GHR: variants seen among roughly 807,000 people sequenced by gnomAD.
GHR encodes growth hormone receptor, also known as GH receptor.
GHR carries 35 observed loss-of-function variants against 67.1 expected under a neutral mutation model. That is an observed-to-expected ratio of 0.52 (90% CI 0.40 to 0.69). GHR has a LOEUF of 0.69. Ranked by LOEUF, GHR falls within the 30% of genes least tolerant of loss-of-function variation. The pLI is 0.00. For synonymous variants in GHR, 272 were observed against 269.1 expected (o/e 1.01, Z -0.10); for missense variants, 792 against 764.6 (o/e 1.04, Z -0.42).
chr5:42,627,981 G>A (rs938641669), intron 2 of GHR, among the ~76,000 whole-genome samples: 6 of 152,224 alleles, frequency 3.9e-5, no homozygotes, highest in Non-Finnish European at 8.8e-5. Context: ...TGGATGGGGA[G>A]TGGGAAGTGG....
intron 2 of GHR, among the ~76,000 whole-genome samples, chr5:42,611,625 A>G (rs1407988130): frequency 2.6e-5 from 4 of 152,180 alleles, no homozygotes; most frequent in Admixed American, 2.6e-4. Flanking sequence ...AGGTCAATGG[A>G]CAGTGCATGC....
At chr5:42,646,387 G>A (rs1370616626) in intron 3 of GHR, 1 of 452,988 alleles carries the variant, frequency 2.2e-6, no homozygotes, top group African/African-American at 2.0e-5. Flanking sequence ...TGGCTCACTG[G>A]GTGAGGTTTT....
At position 42,465,124 on chromosome 5, in the gene GHR, T is replaced by C. The variant is rs567487534; in HGVS notation, c.-12+41169T>C. On this transcript the variant is annotated intron_variant, in intron 1 of 9. Coordinates refer to ENST00000230882, the MANE Select transcript of GHR (RefSeq NM_000163.5). ...CGGTTCCTTTTGTCTAAGTTAGTTATAATAATCTTTAATGAAAAGCAGAGG... is the reference window on the plus strand; with the variant it reads ...CGGTTCCTTTTGTCTAAGTTAGTTACAATAATCTTTAATGAAAAGCAGAGG... 4.6e-5 allele frequency among the ~76,000 whole-genome samples: 7 copies of C among 152,304 alleles called. No homozygotes were observed. In the South Asian group the frequency reaches 1.0e-3, roughly 23 times the overall value.
At chr5:42,489,974 C>T (rs1161616073) in intron 1 of GHR, among the ~76,000 whole-genome samples, 4 of 151,814 alleles carry the variant, frequency 2.6e-5, no homozygotes, top group African/African-American at 4.8e-5. Context: ...TCAGTAGATT[C>T]TAAAAGAAAA....
chr5:42,593,637 T>A (rs1466630947), intron 2 of GHR, among the ~76,000 whole-genome samples: 1 of 152,186 alleles, frequency 6.6e-6, no homozygotes. Flanking sequence ...TGCACTGGAA[T>A]GTATAGCCTA....
intron 4 of GHR, among the ~76,000 whole-genome samples, chr5:42,693,651 C>T (rs908379738): frequency 2.0e-5 from 3 of 152,128 alleles, no homozygotes; most frequent in African/African-American, 4.8e-5. Context: ...CCCAGCTTGG[C>T]ATCCTTTCCT....
At chr5:42,504,412 C>G (rs1746669225) in intron 1 of GHR, among the ~76,000 whole-genome samples, 1 of 152,098 alleles carries the variant, frequency 6.6e-6, no homozygotes, top group Admixed American at 6.5e-5. Context: ...CCTTCACATC[C>G]CTCATAATGA....
At chr5:42,590,854 T>A (rs1394512328) in intron 2 of GHR, among the ~76,000 whole-genome samples, 1 of 152,218 alleles carries the variant, frequency 6.6e-6, no homozygotes, top group Non-Finnish European at 1.5e-5. Flanking sequence ...GACCACTTGC[T>A]TTCTCTATTG....
chr5:42,600,250 C>T (rs1752304866), intron 2 of GHR, among the ~76,000 whole-genome samples: 1 of 152,172 alleles, frequency 6.6e-6, no homozygotes, highest in South Asian at 2.1e-4. Context: ...GATGGAGATT[C>T]ACATGTAGCA....
chr5:42,659,766 G>A (rs1283140285), intron 3 of GHR, among the ~76,000 whole-genome samples: 1 of 152,138 alleles, frequency 6.6e-6, no homozygotes, highest in African/African-American at 2.4e-5. Context: ...CCGGGACAGT[G>A]GGTGCAGCAC....
At chr5:42,585,393 T>A (rs1208106752) in intron 2 of GHR, among the ~76,000 whole-genome samples, 1 of 152,206 alleles carries the variant, frequency 6.6e-6, no homozygotes, top group Non-Finnish European at 1.5e-5. Flanking sequence ...AATAATGACA[T>A]CTTATTTTAT....
intron 3 of GHR, among the ~76,000 whole-genome samples, chr5:42,665,179 A>G (rs1489723016): frequency 6.6e-6 from 1 of 152,176 alleles, no homozygotes; most frequent in Non-Finnish European, 1.5e-5. Context: ...CCATTGTGGA[A>G]GTCAGTGTGG....
intron 2 of GHR, among the ~76,000 whole-genome samples, chr5:42,625,149 C>T (rs762976763): frequency 3.3e-5 from 5 of 152,046 alleles, no homozygotes; most frequent in Non-Finnish European, 5.9e-5. Flanking sequence ...CATTGAAAAG[C>T]GGCTCAGGGG....
intron 5 of GHR, 112 bp downstream of exon 5, chr5:42,695,201 A>C: frequency 2.6e-6 from 2 of 759,910 alleles, no homozygotes; most frequent in Non-Finnish European, 4.7e-6. Flanking sequence ...TGTTCTATAG[A>C]TACATGGAGA....
intron 2 of GHR, among the ~76,000 whole-genome samples, chr5:42,614,031 G>C (rs1016290529): frequency 6.6e-6 from 1 of 152,094 alleles, no homozygotes; most frequent in Non-Finnish European, 1.5e-5. Flanking sequence ...ACTGTGTTTA[G>C]GACCTGAACC....
intron 2 of GHR, among the ~76,000 whole-genome samples, chr5:42,609,373 G>A (rs898412194): frequency 5.3e-5 from 8 of 152,172 alleles, no homozygotes; most frequent in Non-Finnish European, 8.8e-5. Context: ...CAGGGAAGAC[G>A]AGAGTGGAAA....
At chr5:42,484,235 A>G (rs890374790) in intron 1 of GHR, among the ~76,000 whole-genome samples, 7 of 152,226 alleles carry the variant, frequency 4.6e-5, no homozygotes, top group Admixed American at 2.6e-4. Context: ...TTAGAAGCCA[A>G]TGAAATGCTG....
Position 42,494,093 on chromosome 5 carries a change from A to T in GHR, c.-12+70138A>T, listed in dbSNP as rs557940651. On this transcript the variant is annotated intron_variant, in intron 1 of 9. Coordinates refer to ENST00000230882, the MANE Select transcript of GHR (RefSeq NM_000163.5). ...AAGTCCCATAGGTTAGCATATACTT[A>T]ATTCTACCTATCATGGAAACCTCTC... 2.9e-4 allele frequency among the ~76,000 whole-genome samples: 44 copies of T among 152,316 alleles called. No homozygotes were observed. The South Asian group carries it at 9.1e-3, about 32-fold the overall frequency.
chr5:42,679,188 T>A (rs1756730242), intron 3 of GHR, among the ~76,000 whole-genome samples: 1 of 144,558 alleles, frequency 6.9e-6, no homozygotes, highest in South Asian at 2.3e-4. Context: ...TATTGTATAT[T>A]ATATATTAAT....
Sources: gnomAD v4.1 joint callset for allele counts (sites outside exome capture counted in the v4.1 genomes callset) on GRCh38, gnomAD v4.1.1 for gene constraint, MANE v1.5 for transcripts, NCBI Gene and HGNC (gene_info 2026-07-23, HGNC 2026-07-21) for gene names.